APBA1: variants seen among roughly 807,000 people sequenced by gnomAD.
APBA1 encodes amyloid-beta A4 precursor protein-binding family A member 1.
APBA1 carries 55 observed loss-of-function variants against 86.6 expected under a neutral mutation model. The ratio of observed to expected loss-of-function variants is 0.64; its 90% CI spans 0.51 to 0.80. The LOEUF (loss-of-function observed/expected upper bound fraction) is 0.80, where lower values mean the gene tolerates loss of function less well. Among genes scored for constraint, APBA1 ranks in the 30% least tolerant of loss-of-function variants. APBA1 has a pLI of 0.00. For synonymous variants in APBA1, 511 were observed against 493.9 expected (o/e 1.03, Z -0.46); for missense variants, 1,090 against 1,183.0 (o/e 0.92, Z 1.15).
At chr9:69,522,592 G>T (rs1836271316) in intron 1 of APBA1, among the ~76,000 whole-genome samples, 1 of 152,192 alleles carries the variant, frequency 6.6e-6, no homozygotes, top group South Asian at 2.1e-4. Context: ...AGGGCAGACA[G>T]CTCTGACAGT....
Position 69,446,039 on chromosome 9 carries a change from G to A in APBA1, c.2181+3545C>T, listed in dbSNP as rs375103543. On this transcript the variant is annotated intron_variant, in intron 10 of 12. Transcript: ENST00000265381. ...TGTCAAAGTCACTGCAAAGAGCATG[G>A]ACATACACTGAAACAAATTTGAACA... Among the ~76,000 whole-genome samples, 21 of 152,316 alleles carry A rather than the reference G, an allele frequency of 1.4e-4. No individual in the cohort carries two copies. The East Asian group carries it at 2.7e-3, about 20-fold the overall frequency.
At chr9:69,584,829 A>C (rs932064377) in intron 1 of APBA1, among the ~76,000 whole-genome samples, 2 of 152,250 alleles carry the variant, frequency 1.3e-5, no homozygotes, top group Non-Finnish European at 2.9e-5. Context: ...AGAGTAACTA[A>C]CAAAACAAAG....
chr9:69,632,292 T>G (rs571766144), intron 1 of APBA1, among the ~76,000 whole-genome samples: 1 of 152,084 alleles, frequency 6.6e-6, no homozygotes, highest in Non-Finnish European at 1.5e-5. Flanking sequence ...AAATATCTAA[T>G]TATCAACAGG....
intron 1 of APBA1, among the ~76,000 whole-genome samples, chr9:69,553,076 G>A (rs1449938830): frequency 6.6e-6 from 1 of 152,004 alleles, no homozygotes; most frequent in East Asian, 1.9e-4. Context: ...GCTAATTTTT[G>A]TATTGTTTTT....
intron 1 of APBA1, among the ~76,000 whole-genome samples, chr9:69,647,431 AAG>A (rs1191831520): frequency 6.6e-6 from 1 of 152,176 alleles, no homozygotes; most frequent in Non-Finnish European, 1.5e-5. Context: ...CCATCTTCCT[AAG>A]AGTTTATCAG....
At chr9:69,454,889 G>C (rs1835069554) in intron 8 of APBA1, among the ~76,000 whole-genome samples, 1 of 152,168 alleles carries the variant, frequency 6.6e-6, no homozygotes, top group Non-Finnish European at 1.5e-5. Flanking sequence ...CCGTTTGCAT[G>C]TTGGCCTCAG....
At chr9:69,530,167 A>T (rs189006252) in intron 1 of APBA1, among the ~76,000 whole-genome samples, 1 of 152,224 alleles carries the variant, frequency 6.6e-6, no homozygotes, top group Non-Finnish European at 1.5e-5. Context: ...ATCTACTCAA[A>T]GAAAAAGAAA....
At chr9:69,652,766 G>A (rs1329374789) in intron 1 of APBA1, among the ~76,000 whole-genome samples, 7 of 152,182 alleles carry the variant, frequency 4.6e-5, no homozygotes, top group African/African-American at 1.7e-4. Flanking sequence ...CAAGGCGGGT[G>A]GATCATAAGG....
Position 69,449,608 on chromosome 9 carries a change from C to T in APBA1, c.2157G>A (p.Leu719=). 2 of 1,613,914 alleles carry T rather than the reference C, an allele frequency of 1.2e-6. No individual in the cohort carries two copies. The highest frequency in any genetic ancestry group is 2.2e-5 in the South Asian group (2 of 91,064). Residue 719 remains leucine, a synonymous_variant, in exon 10 of 13, where the codon CTG becomes CTA. Transcript: ENST00000265381. ...INGTSLVGLP[L]STCQSIIKGL... ...CCTTAATAATGCTCTGGCAGGTGGA[C>T]AGAGGCAGGCCCACCAGGCTGGTGC... is the stretch of plus-strand genomic sequence containing the variant.
chr9:69,598,450 TAAA>T (rs534725245), intron 1 of APBA1, among the ~76,000 whole-genome samples: 282 of 144,886 alleles, frequency 1.9e-3, no homozygotes, highest in African/African-American at 6.8e-3. Context: ...GTAAAAAAAT[TAAA>T]AAAAAAAAAG....
chr9:69,502,468 G>A (rs75758911), intron 2 of APBA1, among the ~76,000 whole-genome samples: 1 of 151,752 alleles, frequency 6.6e-6, no homozygotes, highest in Non-Finnish European at 1.5e-5. Flanking sequence ...GGGATTTCAG[G>A]GTGAAGCCTT....
chr9:69,530,708 A>C (rs1219718930), intron 1 of APBA1, among the ~76,000 whole-genome samples: 3 of 152,220 alleles, frequency 2.0e-5, no homozygotes, highest in African/African-American at 7.2e-5. Context: ...TGTACACCCT[A>C]CATCTAAAAT....
intron 1 of APBA1, among the ~76,000 whole-genome samples, chr9:69,620,253 T>G (rs1276408782): frequency 6.6e-6 from 1 of 152,292 alleles, no homozygotes; most frequent in South Asian, 2.1e-4. Context: ...AGCCGCATTT[T>G]CCCCCTGCAA....
At chr9:69,477,272 C>T (rs969471953) in intron 2 of APBA1, among the ~76,000 whole-genome samples, 154 of 151,366 alleles carry the variant, frequency 1.0e-3, no homozygotes, top group African/African-American at 3.5e-3. Flanking sequence ...GCGCACCGTG[C>T]GCCAGCCGAA....
At chr9:69,552,141 G>C (rs951480936) in intron 1 of APBA1, among the ~76,000 whole-genome samples, 1 of 152,156 alleles carries the variant, frequency 6.6e-6, no homozygotes, top group African/African-American at 2.4e-5. Context: ...ATATGACAAT[G>C]GAAGAGGCTG....
At chr9:69,466,198 G>C (rs1386464784) in intron 5 of APBA1, among the ~76,000 whole-genome samples, 1 of 152,190 alleles carries the variant, frequency 6.6e-6, no homozygotes, top group Non-Finnish European at 1.5e-5. Context: ...CCAGCAGCAG[G>C]AGCGGCAGTG....
chr9:69,441,753 A>T (rs959016579), intron 10 of APBA1, among the ~76,000 whole-genome samples: 1 of 152,164 alleles, frequency 6.6e-6, no homozygotes, highest in Admixed American at 6.5e-5. Context: ...GTGTTGATGG[A>T]GAAGGAAGAG....
intron 2 of APBA1, among the ~76,000 whole-genome samples, chr9:69,492,952 A>C (rs1486863863): frequency 1.3e-5 from 2 of 152,060 alleles, no homozygotes; most frequent in Non-Finnish European, 2.9e-5. Flanking sequence ...TCTGAGACTC[A>C]GTTATTCAGT....
chr9:69,471,794 T>G, intron 3 of APBA1, 99 bp from the exon 4 acceptor site: 1 of 919,192 alleles, frequency 1.1e-6, no homozygotes, highest in Non-Finnish European at 1.7e-6. Flanking sequence ...ACATAATCAG[T>G]GGCAGTTACC....
Sources: gnomAD v4.1 joint callset for allele counts (sites outside exome capture counted in the v4.1 genomes callset) on GRCh38, gnomAD v4.1.1 for gene constraint, MANE v1.5 for transcripts, NCBI Gene and HGNC (gene_info 2026-07-23, HGNC 2026-07-21) for gene names.